Variants in IMPA2 observed in about 807,000 individuals in gnomAD.
IMPA2 encodes IMP 2.
IMPA2 carries 32 observed loss-of-function variants against 35.1 expected under a neutral mutation model. The observed-to-expected ratio is 0.91, with a 90% confidence interval of 0.69 to 1.23. The LOEUF (loss-of-function observed/expected upper bound fraction) is 1.23, where lower values mean the gene tolerates loss of function less well. Among genes scored for constraint, IMPA2 ranks in the 50% most tolerant of loss-of-function variants. IMPA2 has a pLI of 0.00. For missense variants in IMPA2, 334 were observed against 387.6 expected (o/e 0.86, Z 1.16); for synonymous variants, 135 against 160.6 (o/e 0.84, Z 1.20).
intron 2 of IMPA2, among the ~76,000 whole-genome samples, chr18:12,001,500 G>A (rs1251959695): frequency 6.6e-6 from 1 of 152,128 alleles, no homozygotes; most frequent in Non-Finnish European, 1.5e-5. Context: ...TTTCAGTCAG[G>A]TCACTTGGAC....
intron 2 of IMPA2, among the ~76,000 whole-genome samples, chr18:12,007,702 C>CTTTCCTTTT (rs1907315070): frequency 1.6e-5 from 2 of 127,512 alleles, no homozygotes; most frequent in African/African-American, 5.9e-5. Context: ...TCTTTCCTTT[C>CTTTCCTTTT]TTCCCTCCTT....
chr18:12,028,775 G>A, intron 6 of IMPA2, 67 bp from the exon 7 acceptor site: 1 of 1,532,746 alleles, frequency 6.5e-7, no homozygotes, highest in East Asian at 2.3e-5. Context: ...CCTGGCTGAA[G>A]TCGGCTTGCA....
chr18:11,987,272 C>G (rs887835989), intron 1 of IMPA2, among the ~76,000 whole-genome samples: 2 of 152,226 alleles, frequency 1.3e-5, no homozygotes, highest in Non-Finnish European at 2.9e-5. Flanking sequence ...ATGGGAACTT[C>G]CGCTGCATGG....
chr18:11,986,027 T>C (rs528955135), intron 1 of IMPA2, among the ~76,000 whole-genome samples: 1 of 152,304 alleles, frequency 6.6e-6, no homozygotes, highest in African/African-American at 2.4e-5. Context: ...TGCAGGCAAG[T>C]GGGGGCCTTG....
chr18:12,012,403 G>A (rs1007810259), intron 4 of IMPA2, 188 bp downstream of exon 4: 11 of 605,082 alleles, frequency 1.8e-5, no homozygotes, highest in Non-Finnish European at 2.4e-5. Flanking sequence ...TGGGGTGTGC[G>A]GGGTGGGGCT....
chr18:12,000,401 T>TA (rs1907083452), intron 2 of IMPA2, among the ~76,000 whole-genome samples: 1 of 141,804 alleles, frequency 7.1e-6, no homozygotes, highest in South Asian at 2.2e-4. Context: ...GTTAAACACT[T>TA]ACCTTCTTTT....
intron 1 of IMPA2, among the ~76,000 whole-genome samples, chr18:11,983,608 A>G (rs903726073): frequency 3.9e-5 from 6 of 152,182 alleles, no homozygotes; most frequent in Non-Finnish European, 7.3e-5. Context: ...TGTTTTTGCA[A>G]CTTGCCAGCA....
chr18:12,029,019 A>G, intron 7 of IMPA2, 26 bp downstream of exon 7: 1 of 1,605,448 alleles, frequency 6.2e-7, no homozygotes, highest in Non-Finnish European at 8.5e-7. Context: ...CCTGAAATGC[A>G]GCGGCAGAAA....
chr18:11,982,148 G>T (rs1470259119), intron 1 of IMPA2, among the ~76,000 whole-genome samples: 1 of 152,182 alleles, frequency 6.6e-6, no homozygotes, highest in South Asian at 2.1e-4. Flanking sequence ...GCCGCGTGGG[G>T]ATCTGGCTGG....
At chr18:12,006,040 G>C (rs892604089) in intron 2 of IMPA2, among the ~76,000 whole-genome samples, 1 of 152,166 alleles carries the variant, frequency 6.6e-6, no homozygotes, top group Non-Finnish European at 1.5e-5. Context: ...TTCAGGGTGT[G>C]GAGCGTTTTC....
At chr18:12,019,011 A>C (rs1247493488) in intron 5 of IMPA2, among the ~76,000 whole-genome samples, 2 of 151,864 alleles carry the variant, frequency 1.3e-5, no homozygotes, top group Non-Finnish European at 2.9e-5. Flanking sequence ...ATTTTTGTAG[A>C]GACAGGGTCT....
chr18:11,986,514 C>T (rs990913866), intron 1 of IMPA2, among the ~76,000 whole-genome samples: 4 of 152,260 alleles, frequency 2.6e-5, no homozygotes, highest in African/African-American at 7.2e-5. Flanking sequence ...TTTTGTCTAC[C>T]TCTGGCTCTT....
intron 2 of IMPA2, chr18:12,008,222 C>T: frequency 2.6e-5 from 12 of 456,304 alleles, no homozygotes; most frequent in South Asian, 1.7e-4. Flanking sequence ...TCTCGAACTC[C>T]TGACCTCAGG....
At chr18:11,997,824 C>T (rs1443014622) in intron 1 of IMPA2, among the ~76,000 whole-genome samples, 1 of 152,152 alleles carries the variant, frequency 6.6e-6, no homozygotes, top group Non-Finnish European at 1.5e-5. Flanking sequence ...TTTTAGGTGC[C>T]CTGACTTTGT....
intron 5 of IMPA2, among the ~76,000 whole-genome samples, chr18:12,022,615 A>G (rs140642078): frequency 1.1e-4 from 16 of 149,540 alleles, no homozygotes; most frequent in African/African-American, 3.7e-4. Context: ...AAAGGGTAAT[A>G]AAATACAAAA....
chr18:12,019,204 C>T (rs1907662108), intron 5 of IMPA2, among the ~76,000 whole-genome samples: 1 of 152,068 alleles, frequency 6.6e-6, no homozygotes, highest in African/African-American at 2.4e-5. Context: ...AATCTCTTTT[C>T]AGATAACTGA....
chr18:11,997,558 C>T (rs374642993), intron 1 of IMPA2, among the ~76,000 whole-genome samples: 4 of 152,150 alleles, frequency 2.6e-5, no homozygotes, highest in African/African-American at 9.7e-5. Context: ...GGGATGTAGG[C>T]AGTGAGAAGA....
chr18:12,001,088 G>A (rs1315595384), intron 2 of IMPA2, among the ~76,000 whole-genome samples: 1 of 151,766 alleles, frequency 6.6e-6, no homozygotes, highest in Non-Finnish European at 1.5e-5. Context: ...CATTAGCCGG[G>A]TGTGGTGGCG....
chr18:11,992,714 C>T (rs1455244042), intron 1 of IMPA2, among the ~76,000 whole-genome samples: 3 of 152,148 alleles, frequency 2.0e-5, no homozygotes, highest in East Asian at 1.9e-4. Flanking sequence ...ACCAGGATAC[C>T]TAACTCATTG....
Sources: gnomAD v4.1 joint callset for allele counts (sites outside exome capture counted in the v4.1 genomes callset) on GRCh38, gnomAD v4.1.1 for gene constraint, MANE v1.5 for transcripts, NCBI Gene and HGNC (gene_info 2026-07-23, HGNC 2026-07-21) for gene names.